The following AGBL4 variants were observed in gnomAD, a reference collection of about 807,000 sequenced individuals.
The protein encoded by AGBL4 is cytosolic carboxypeptidase 6.
AGBL4 carries 58 observed loss-of-function variants against 66.4 expected under a neutral mutation model. That is an observed-to-expected ratio of 0.87 (90% CI 0.71 to 1.09). The LOEUF is 1.09. Ranked by LOEUF, AGBL4 falls within the 50% of genes least tolerant of loss-of-function variation. AGBL4 has a pLI of 0.00. For missense variants in AGBL4, 579 were observed against 631.0 expected, an observed-to-expected ratio of 0.92 and a Z score of 0.88; for synonymous variants, 234 against 222.9, an observed-to-expected ratio of 1.05 and a Z score of -0.44.
intron 5 of AGBL4, among the ~76,000 whole-genome samples, chr1:48,922,609 A>T (rs1189879387): frequency 1.3e-5 from 2 of 152,178 alleles, no homozygotes; most frequent in Admixed American, 6.6e-5. Context: ...TAGGCACCGG[A>T]CTTAGACACA....
At chr1:48,779,371 C>G (rs1381169853) in intron 6 of AGBL4, among the ~76,000 whole-genome samples, 1 of 152,204 alleles carries the variant, frequency 6.6e-6, no homozygotes, top group Non-Finnish European at 1.5e-5. Context: ...TGTGCTTTTT[C>G]TGCCTTCATC....
At chr1:49,633,798 A>G (rs1645616550) in intron 3 of AGBL4, among the ~76,000 whole-genome samples, 2 of 150,010 alleles carry the variant, frequency 1.3e-5, no homozygotes, top group Admixed American at 1.3e-4. Flanking sequence ...TCATAGCATA[A>G]GTAAATTAAA....
In AGBL4 at chr1:50,023,317, G is replaced by A. The variant is rs191210336; in HGVS notation, c.34+446C>T. On this transcript the variant is annotated intron_variant, in intron 1 of 13. Coordinates refer to ENST00000371839, the MANE Select transcript of AGBL4 (RefSeq NM_032785.4). ...GATATTAAAGTAACACACCTTCCAC[G>A]TATACCTCCCTCTTTAGAGTCAGAG... Among the ~76,000 whole-genome samples, 10 of 152,138 alleles carry A rather than the reference G, an allele frequency of 6.6e-5. No individual in the cohort carries two copies. The East Asian group carries it at 1.5e-3, about 24-fold the overall frequency.
At chr1:48,846,385 G>GAAAGA (rs1646914455) in intron 6 of AGBL4, among the ~76,000 whole-genome samples, 2 of 148,910 alleles carry the variant, frequency 1.3e-5, no homozygotes, top group Non-Finnish European at 3.0e-5. Flanking sequence ...AAGAAAGAAA[G>GAAAGA]AAAGAAAGAA....
At chr1:49,976,150 A>G (rs1419566897) in intron 1 of AGBL4, among the ~76,000 whole-genome samples, 2 of 152,186 alleles carry the variant, frequency 1.3e-5, no homozygotes, top group African/African-American at 4.8e-5. Flanking sequence ...GCTTCTGAAA[A>G]TTGAGCCAAC....
intron 6 of AGBL4, among the ~76,000 whole-genome samples, chr1:48,670,589 C>T (rs532767550): frequency 2.4e-4 from 36 of 152,370 alleles, no homozygotes; most frequent in African/African-American, 8.4e-4. Context: ...CCCAGACAGG[C>T]TGCTCTGTGG....
intron 4 of AGBL4, among the ~76,000 whole-genome samples, chr1:49,059,891 C>A (rs530340746): frequency 2.0e-5 from 3 of 152,120 alleles, no homozygotes; most frequent in Non-Finnish European, 4.4e-5. Flanking sequence ...AATGTCTGTA[C>A]CCCCAGTGTA....
At chr1:49,507,395 G>A (rs1648795928) in intron 3 of AGBL4, among the ~76,000 whole-genome samples, 1 of 152,056 alleles carries the variant, frequency 6.6e-6, no homozygotes. Flanking sequence ...ACTCATGAGA[G>A]ACAGTAAAAG....
chr1:49,389,888 G>A (rs1346838934), intron 3 of AGBL4, among the ~76,000 whole-genome samples: 1 of 152,116 alleles, frequency 6.6e-6, no homozygotes, highest in Non-Finnish European at 1.5e-5. Flanking sequence ...TTACATAAAG[G>A]TATAATCCAA....
At chr1:49,040,252 A>T (rs1643904456) in intron 5 of AGBL4, among the ~76,000 whole-genome samples, 1 of 152,064 alleles carries the variant, frequency 6.6e-6, no homozygotes, top group Middle Eastern at 3.2e-3. Context: ...CATAAGGGCA[A>T]TACAAATTAA....
At chr1:48,571,766 G>A (rs1235168945) in intron 11 of AGBL4, among the ~76,000 whole-genome samples, 1 of 152,194 alleles carries the variant, frequency 6.6e-6, no homozygotes, top group Non-Finnish European at 1.5e-5. Flanking sequence ...AGGATGTCAT[G>A]TGGGCCTCGG....
rs150369195 is a variant in AGBL4 at position 48,753,249 on chromosome 1, T to A, written c.635-90008A>T. Among the ~76,000 whole-genome samples, 425 of 152,324 alleles carry A rather than the reference T, an allele frequency of 2.8e-3. 2 individuals are homozygous for A. Among genetic ancestry groups the A allele is most frequent in the African/African-American group, 9.9e-3 (412 of 41,574 alleles). On this transcript the variant is annotated intron_variant, in intron 6 of 13. Transcript: ENST00000371839. ...ATCACTGAGCTGGTTCTCCTGTCTGTATGTAGTGGGCTTTAAGATACCTAG... is the reference window on the plus strand; with the variant it reads ...ATCACTGAGCTGGTTCTCCTGTCTGAATGTAGTGGGCTTTAAGATACCTAG...
Position 49,161,416 on chromosome 1 carries a change from T to C in AGBL4, c.377+84354A>G, listed in dbSNP as rs528418105. 2.6e-5 allele frequency among the ~76,000 whole-genome samples: 4 copies of C among 152,256 alleles called. No individual in the cohort carries two copies. The South Asian group carries it at 8.3e-4, about 32-fold the overall frequency. Reference sequence around the variant, plus strand: ...AACCAGTCCCAATGAGATGAACTGGTTACCTCAGTTGGATGCAGAAATCAC... The same window carrying C: ...AACCAGTCCCAATGAGATGAACTGGCTACCTCAGTTGGATGCAGAAATCAC... On this transcript the variant is annotated intron_variant, in intron 4 of 13. Coordinates refer to ENST00000371839, the MANE Select transcript of AGBL4 (RefSeq NM_032785.4).
intron 5 of AGBL4, among the ~76,000 whole-genome samples, chr1:48,951,871 C>T (rs1386707664): frequency 6.6e-6 from 1 of 152,170 alleles, no homozygotes. Flanking sequence ...TGAGGAGAAA[C>T]ACTTTCTTTG....
At chr1:49,813,798 A>G (rs989591662) in intron 2 of AGBL4, among the ~76,000 whole-genome samples, 3 of 152,128 alleles carry the variant, frequency 2.0e-5, no homozygotes, top group Non-Finnish European at 4.4e-5. Context: ...GATACGGAAT[A>G]TGGAAAGAGA....
At chr1:48,590,189 G>C (rs1367776998) in intron 10 of AGBL4, among the ~76,000 whole-genome samples, 1 of 152,132 alleles carries the variant, frequency 6.6e-6, no homozygotes, top group South Asian at 2.1e-4. Context: ...CGGATCACCT[G>C]AGGTTGGGAG....
At chr1:49,896,838 A>C (rs2148180656) in intron 1 of AGBL4, among the ~76,000 whole-genome samples, 1 of 152,172 alleles carries the variant, frequency 6.6e-6, no homozygotes. Flanking sequence ...CATCATATAA[A>C]CAGAATGAAG....
chr1:48,530,054 C>T (rs754027108), downstream of AGBL4, among the ~76,000 whole-genome samples: 1 of 152,144 alleles, frequency 6.6e-6, no homozygotes, highest in Non-Finnish European at 1.5e-5. Flanking sequence ...CTAAATGATG[C>T]CATTGTTTAC....
At chr1:49,050,828 A>G (rs1316701036) in intron 4 of AGBL4, among the ~76,000 whole-genome samples, 1 of 152,116 alleles carries the variant, frequency 6.6e-6, no homozygotes, top group African/African-American at 2.4e-5. Flanking sequence ...CCTCAGCATT[A>G]GTACAATACT....
Sources: gnomAD v4.1 joint callset for allele counts (sites outside exome capture counted in the v4.1 genomes callset) on GRCh38, gnomAD v4.1.1 for gene constraint, MANE v1.5 for transcripts, NCBI Gene and HGNC (gene_info 2026-07-23, HGNC 2026-07-21) for gene names.